The following CXCL8 variants were observed in gnomAD, a reference collection of about 807,000 sequenced individuals.
The protein encoded by CXCL8 is C-X-C motif chemokine ligand 8, also known as interleukin-8.
A neutral mutation model predicts 10.9 loss-of-function variants in CXCL8; 12 were observed. The ratio of observed to expected loss-of-function variants is 1.10; its 90% confidence interval spans 0.71 to 1.79. The LOEUF (loss-of-function observed/expected upper bound fraction) is 1.79. Ranked by LOEUF, CXCL8 falls within the 40% of genes most tolerant of loss-of-function variation. The probability of loss-of-function intolerance (pLI) is 0.00; values close to 1 mark genes in which losing one functional copy is unlikely to be tolerated. For synonymous variants in CXCL8, 41 were observed against 39.6 expected (o/e 1.03, Z -0.13); for missense variants, 145 against 113.4 (o/e 1.28, Z -1.26).
rs199855020 is a variant in CXCL8 at position 73,741,559 on chromosome 4, A to C, written c.82A>C (p.Ser28Arg). Residue 28 changes from serine to arginine, a missense_variant, in exon 2 of 4, where the codon AGT (serine) becomes CGT (arginine). Physicochemically the swap from Ser to Arg is moderately radical, Grantham distance 110. Transcript: ENST00000307407. ...ALCEGAVLPR[S>R]AKELRCQCIK... ...CCCAACAGGTGCAGTTTTGCCAAGGAGTGCTAAAGAACTTAGATGTCAGTG... is the reference window on the plus strand; with the variant it reads ...CCCAACAGGTGCAGTTTTGCCAAGGCGTGCTAAAGAACTTAGATGTCAGTG... The C allele has an allele frequency of 5.0e-6, 8 of 1,612,968 alleles. No individual in the cohort carries two copies. The highest frequency in any genetic ancestry group is 6.8e-6 in the Non-Finnish European group (8 of 1,179,560).
chr4:73,741,816 G>T, intron 2 of CXCL8, 133 bp from the exon 3 acceptor site: 1 of 1,061,712 alleles, frequency 9.4e-7, no homozygotes, highest in South Asian at 1.4e-5. Flanking sequence ...TTGTCTACAT[G>T]ACATTTAAAT....
At chr4:73,741,427 G>T in intron 1 of CXCL8, 115 bp from the exon 2 acceptor site, 1 of 981,074 alleles carries the variant, frequency 1.0e-6, no homozygotes, top group Non-Finnish European at 1.5e-6. Flanking sequence ...GAGTTCACTA[G>T]AAACATGATG....
chr4:73,742,170 A>G (rs1459472478), intron 3 of CXCL8, 138 bp downstream of exon 3: 4 of 605,230 alleles, frequency 6.6e-6, no homozygotes, highest in Admixed American at 3.3e-5. Flanking sequence ...AAGGAATAGC[A>G]TCAATAGTGA....
intron 2 of CXCL8, 66 bp from the exon 3 acceptor site, chr4:73,741,883 C>G (rs1729183398): frequency 3.2e-6 from 4 of 1,267,796 alleles, no homozygotes; most frequent in Non-Finnish European, 4.6e-6. Context: ...TTATGCCTGA[C>G]TTAAGGAATC....
At position 73,741,964 on chromosome 4, in the gene CXCL8, T is replaced by C. The variant is rs371104442; in HGVS notation, c.216T>C (p.Asp72=). 2 of 1,609,548 alleles carry C rather than the reference T, an allele frequency of 1.2e-6. No homozygotes were observed. Among genetic ancestry groups the C allele is most frequent in the Non-Finnish European group, 1.7e-6 (2 of 1,176,524 alleles). ...ANTEIIVKLS[D]GRELCLDPKE... ...CTTATTTCAGTGTAAAGCTTTCTGA[T>C]GGAAGAGAGCTCTGTCTGGACCCCA... Residue 72 remains aspartate (D), a synonymous_variant, in exon 3 of 4, where the codon GAT becomes GAC. Coordinates refer to ENST00000307407, the MANE Select transcript of CXCL8 (RefSeq NM_000584.4).
intron 3 of CXCL8, 75 bp from the exon 4 acceptor site, chr4:73,742,372 CTA>C (rs1729204507): frequency 1.4e-6 from 1 of 699,550 alleles, no homozygotes; most frequent in African/African-American, 1.8e-5. Context: ...ATGTCAAAGA[CTA>C]TATTGACTTT....
At position 73,743,524 on chromosome 4, in the gene CXCL8, T is replaced by G; in HGVS notation, c.*1060T>G. ...TCAATATTAGTAATTTCTTGCTGGTTGAAACTTGTTTATTATGTACAAATA... is the reference window on the plus strand; with the variant it reads ...TCAATATTAGTAATTTCTTGCTGGTGGAAACTTGTTTATTATGTACAAATA... On this transcript the variant is annotated 3_prime_UTR_variant, in exon 4 of 4. Transcript: ENST00000307407. The G allele has an allele frequency of 5.0e-6, 1 of 198,458 alleles. No homozygotes were observed. Among genetic ancestry groups the G allele is most frequent in the Non-Finnish European group, 1.0e-5 (1 of 96,088 alleles). 12.3% of individuals were successfully genotyped at this position (198,458 alleles called of 1,614,324 possible).
chr4:73,741,879 C>G, intron 2 of CXCL8, 70 bp from the exon 3 acceptor site: 2 of 1,243,286 alleles, frequency 1.6e-6, no homozygotes, highest in Non-Finnish European at 2.4e-6. Context: ...GACTTTATGC[C>G]TGACTTAAGG....
rs1177838154 is a variant in CXCL8 at position 73,741,977 on chromosome 4, T to A, written c.229T>A (p.Cys77Ser). The A allele has an allele frequency of 1.2e-6, 2 of 1,611,432 alleles. No individual in the cohort carries two copies. The highest frequency in any genetic ancestry group is 8.5e-7 in the Non-Finnish European group (1 of 1,177,930). The change falls in exon 3 of 4, where the codon TGT becomes AGT. Residue 77 changes from cysteine to serine, a missense_variant. Transcript: ENST00000307407. ...IVKLSDGREL[C>S]LDPKENWVQR... ...AAAGCTTTCTGATGGAAGAGAGCTC[T>A]GTCTGGACCCCAAGGAAAACTGGGT...
intron 3 of CXCL8, 45 bp downstream of exon 3, chr4:73,742,077 A>G (rs369608699): frequency 4.3e-6 from 5 of 1,151,878 alleles, no homozygotes; most frequent in Non-Finnish European, 6.2e-6. Flanking sequence ...TTATCCTGAG[A>G]CATATAATCC....
In CXCL8 at chr4:73,742,433, T is replaced by A; in HGVS notation, c.285-16T>A. Reference sequence around the variant, plus strand: ...ATTAAACATAGCTCATCTTTATATTTTTAATTTTATTTTAGGGCTGAGAAT... The same window carrying A: ...ATTAAACATAGCTCATCTTTATATTATTAATTTTATTTTAGGGCTGAGAAT... On this transcript the variant is annotated splice_polypyrimidine_tract_variant and intron_variant, in intron 3 of 3. Coordinates refer to ENST00000307407, the MANE Select transcript of CXCL8 (RefSeq NM_000584.4). The A allele has an allele frequency of 7.7e-7, 1 of 1,295,286 alleles. No homozygotes were observed. The highest frequency in any genetic ancestry group is 2.4e-5 in the East Asian group (1 of 41,104). 80.2% of individuals were successfully genotyped at this position (1,295,286 alleles called of 1,614,324 possible).
Position 73,742,544 on chromosome 4 carries a change from G to GTAT in CXCL8, c.*82_*84dup, listed in dbSNP as rs1173175204. ...AAGCAAATCTACTTCAACACTTCAT[G>GTAT]TATTGTGTGGGTCTGTTGTAGGGTT... On this transcript the variant is annotated 3_prime_UTR_variant, in exon 4 of 4. Coordinates refer to ENST00000307407, the MANE Select transcript of CXCL8 (RefSeq NM_000584.4). The GTAT allele has an allele frequency of 1.5e-5, 12 of 816,706 alleles. No individual in the cohort carries two copies. Among genetic ancestry groups the GTAT allele is most frequent in the Non-Finnish European group, 2.4e-5 (12 of 500,344 alleles). The allele number at this position is 816,706 out of a possible 1,614,324, so 50.6% of individuals were successfully genotyped here.
chr4:73,740,623 A>C lies in CXCL8; in HGVS notation c.-36A>C. ...AGCTTCTAGGACAAGAGCCAGGAAGAAACCACCGGAAGGAACCATCTCACT... is the reference window on the plus strand; with the variant it reads ...AGCTTCTAGGACAAGAGCCAGGAAGCAACCACCGGAAGGAACCATCTCACT... On this transcript the variant is annotated 5_prime_UTR_variant, in exon 1 of 4. Transcript: ENST00000307407. 2.3e-5 allele frequency: 37 copies of C among 1,601,564 alleles called. No individual in the cohort carries two copies. Among genetic ancestry groups the C allele is most frequent in the Non-Finnish European group, 2.8e-5 (33 of 1,170,036 alleles).
In CXCL8 at chr4:73,741,526, C is replaced by T. The variant is rs1729172624; in HGVS notation, c.65-16C>T. On this transcript the variant is annotated splice_polypyrimidine_tract_variant and intron_variant, in intron 1 of 3. Transcript: ENST00000307407. ...TGTTGATAAAATCAATCCTTAATCA[C>T]TTTTTCCCCCAACAGGTGCAGTTTT... The T allele has an allele frequency of 1.2e-6, 2 of 1,611,230 alleles. No individual in the cohort carries two copies. Among genetic ancestry groups the T allele is most frequent in the Admixed American group, 1.7e-5 (1 of 59,548 alleles).
rs913548486 is a variant in CXCL8 at position 73,741,925 on chromosome 4, T to C, written c.201-24T>C. 2.6e-6 allele frequency: 4 copies of C among 1,529,372 alleles called. No homozygotes were observed. In the African/African-American group the frequency reaches 4.1e-5, roughly 16 times the overall value. 94.7% of individuals were successfully genotyped at this position (1,529,372 alleles called of 1,614,324 possible). Reference sequence around the variant, plus strand: ...TGAATGCAAAAACTAAATATTAATCTGAACCATTTCTTTCTTATTTCAGTG... The same window carrying C: ...TGAATGCAAAAACTAAATATTAATCCGAACCATTTCTTTCTTATTTCAGTG... On this transcript the variant is annotated intron_variant, in intron 2 of 3. Transcript: ENST00000307407.
Position 73,742,539 on chromosome 4 carries a change from T to C in CXCL8, c.*75T>C, listed in dbSNP as rs181891593. ...ACTTCAAGCAAATCTACTTCAACACTTCATGTATTGTGTGGGTCTGTTGTA... is the reference window on the plus strand; with the variant it reads ...ACTTCAAGCAAATCTACTTCAACACCTCATGTATTGTGTGGGTCTGTTGTA... On this transcript the variant is annotated 3_prime_UTR_variant, in exon 4 of 4. Transcript: ENST00000307407. The C allele has an allele frequency of 1.3e-5, 11 of 869,576 alleles. No individual in the cohort carries two copies. The highest frequency in any genetic ancestry group is 1.5e-5 in the Non-Finnish European group (8 of 542,784). The allele number at this position is 869,576 out of a possible 1,614,324, so 53.9% of individuals were successfully genotyped here. A position where few individuals can be genotyped will look rare whatever the true frequency, so the allele number is the denominator to read the frequency against.
Position 73,741,500 on chromosome 4 carries a change from C to T in CXCL8, c.65-42C>T, listed in dbSNP as rs201545544. The T allele has an allele frequency of 2.6e-4, 411 of 1,601,428 alleles. 9 individuals are homozygous for T. In the South Asian group the frequency reaches 3.7e-3, roughly 14 times the overall value. On this transcript the variant is annotated intron_variant, in intron 1 of 3. Transcript: ENST00000307407. ...AAGGAAGTAGCTGGCAGAGCTGTGC[C>T]TGTTGATAAAATCAATCCTTAATCA...
chr4:73,743,199 A>T lies in CXCL8; in HGVS notation c.*735A>T, dbSNP rs1416457931. 1 of 223,192 alleles carries T rather than the reference A, an allele frequency of 4.5e-6. No individual in the cohort carries two copies. The highest frequency in any genetic ancestry group is 8.9e-6 in the Non-Finnish European group (1 of 111,950). 13.8% of individuals were successfully genotyped at this position (223,192 alleles called of 1,614,324 possible). A position where few individuals can be genotyped will look rare whatever the true frequency, so the allele number is the denominator to read the frequency against. ...AAGATGAATCATTGATTGAATAGTT[A>T]TAAAGATGTTATAGTAAATTTATTT... On this transcript the variant is annotated 3_prime_UTR_variant, in exon 4 of 4. Coordinates refer to ENST00000307407, the MANE Select transcript of CXCL8 (RefSeq NM_000584.4).
chr4:73,740,804 G>A, intron 1 of CXCL8, 82 bp downstream of exon 1: 4 of 1,055,202 alleles, frequency 3.8e-6, no homozygotes, highest in Non-Finnish European at 5.7e-6. Context: ...TGATGCTTTG[G>A]TAACAAACAT....
Sources: gnomAD v4.1 joint callset for allele counts on GRCh38, gnomAD v4.1.1 for gene constraint, MANE v1.5 for transcripts, NCBI Gene and HGNC (gene_info 2026-07-23, HGNC 2026-07-21) for gene names.